Variants in ADGRG6 observed in about 807,000 individuals in gnomAD.
ADGRG6 encodes adhesion G protein-coupled receptor G6.
ADGRG6 carries 84 observed loss-of-function variants against 142.4 expected under a neutral mutation model. The ratio of observed to expected loss-of-function variants is 0.59; its 90% CI spans 0.49 to 0.71. ADGRG6 has a LOEUF of 0.71. Among genes scored for constraint, ADGRG6 ranks in the 30% least tolerant of loss-of-function variants. The pLI is 0.00. For synonymous variants in ADGRG6, 521 were observed against 520.5 expected (o/e 1.00, Z -0.01); for missense variants, 1,367 against 1,466.6 (o/e 0.93, Z 1.11).
intron 9 of ADGRG6, among the ~76,000 whole-genome samples, chr6:142,395,994 CT>C (rs34562428): frequency 6.6e-6 from 1 of 151,976 alleles, no homozygotes; most frequent in Non-Finnish European, 1.5e-5. Context: ...TAGAATGTAA[CT>C]TTGTAGAACC....
chr6:142,413,764 AG>A (rs1776211608), intron 18 of ADGRG6, among the ~76,000 whole-genome samples: 1 of 152,126 alleles, frequency 6.6e-6, no homozygotes, highest in Admixed American at 6.6e-5. Context: ...ATAAGAAGAT[AG>A]GGGGAGCCCC....
intron 10 of ADGRG6, among the ~76,000 whole-genome samples, chr6:142,399,646 T>C (rs1016842091): frequency 3.3e-5 from 5 of 152,180 alleles, no homozygotes; most frequent in Admixed American, 6.5e-5. Flanking sequence ...TTTCTGCAAA[T>C]GAATCTGTGG....
At chr6:142,307,138 A>G (rs1777539941) in intron 1 of ADGRG6, among the ~76,000 whole-genome samples, 1 of 152,186 alleles carries the variant, frequency 6.6e-6, no homozygotes, top group Admixed American at 6.5e-5. Flanking sequence ...CAAACTAATG[A>G]GCAGGAATCT....
At chr6:142,368,405 C>A (rs956458382) in intron 3 of ADGRG6, among the ~76,000 whole-genome samples, 1 of 152,100 alleles carries the variant, frequency 6.6e-6, no homozygotes, top group African/African-American at 2.4e-5. Context: ...AAATGGCTAA[C>A]TGAATGAAAT....
At chr6:142,344,875 A>C (rs1221948722) in intron 2 of ADGRG6, among the ~76,000 whole-genome samples, 1 of 152,012 alleles carries the variant, frequency 6.6e-6, no homozygotes, top group Non-Finnish European at 1.5e-5. Context: ...AGATGACTAC[A>C]GGGATATTTG....
intron 7 of ADGRG6, among the ~76,000 whole-genome samples, chr6:142,391,385 G>A (rs930536360): frequency 1.3e-5 from 2 of 149,308 alleles, no homozygotes; most frequent in African/African-American, 4.9e-5. Context: ...TTTGATAAAC[G>A]TGTCTTTGGT....
At chr6:142,316,686 G>A (rs1778092899) in intron 2 of ADGRG6, among the ~76,000 whole-genome samples, 1 of 151,998 alleles carries the variant, frequency 6.6e-6, no homozygotes, top group Non-Finnish European at 1.5e-5. Context: ...CTGTATCACT[G>A]GCCTTATTGA....
intron 19 of ADGRG6, 79 bp downstream of exon 19, chr6:142,415,175 A>T: frequency 1.9e-6 from 2 of 1,067,878 alleles, no homozygotes; most frequent in South Asian, 3.2e-5. Flanking sequence ...GCTTTGAAAA[A>T]CATTTATACA....
chr6:142,402,479 A>G, intron 12 of ADGRG6, 141 bp from the exon 13 acceptor site: 2 of 574,574 alleles, frequency 3.5e-6, no homozygotes, highest in East Asian at 2.9e-5. Context: ...CCTTGTGAAT[A>G]TGGGGATGAG....
Position 142,442,750 on chromosome 6 carries a change from G to A in ADGRG6, c.3575-587G>A, listed in dbSNP as rs537270751. Among the ~76,000 whole-genome samples the A allele has an allele frequency of 3.0e-3, 454 of 152,050 alleles. 1 individual carries two copies. Among genetic ancestry groups the A allele is most frequent in the Non-Finnish European group, 4.9e-3 (330 of 67,966 alleles). ...AAAACCTTGGGAAAATACGTTCAAAGTAGCATTTCATATTTATTTTCATTT... is the reference window on the plus strand; with the variant it reads ...AAAACCTTGGGAAAATACGTTCAAAATAGCATTTCATATTTATTTTCATTT... On this transcript the variant is annotated intron_variant, in intron 24 of 24. Coordinates refer to ENST00000367609, the MANE Select transcript of ADGRG6 (RefSeq NM_198569.3).
intron 21 of ADGRG6, among the ~76,000 whole-genome samples, chr6:142,418,939 T>C (rs1231273130): frequency 6.6e-6 from 1 of 152,204 alleles, no homozygotes; most frequent in Non-Finnish European, 1.5e-5. Flanking sequence ...TTAAAATTTC[T>C]TTAATCTACT....
At chr6:142,331,741 G>A (rs1430085335) in intron 2 of ADGRG6, among the ~76,000 whole-genome samples, 1 of 151,636 alleles carries the variant, frequency 6.6e-6, no homozygotes, top group African/African-American at 2.4e-5. Context: ...CTCTTTTTTT[G>A]TTTAGTGTAT....
intron 22 of ADGRG6, among the ~76,000 whole-genome samples, chr6:142,428,267 GTATTTT>G (rs2115146066): frequency 6.6e-6 from 1 of 151,598 alleles, no homozygotes; most frequent in Admixed American, 6.6e-5. Context: ...TTTCTAGCAT[GTATTTT>G]TATTTTTATG....
chr6:142,404,346 A>T (rs1194986817), intron 14 of ADGRG6: 1 of 212,136 alleles, frequency 4.7e-6, no homozygotes, highest in Non-Finnish European at 9.2e-6. Flanking sequence ...GAACATTAGA[A>T]TCTTCTGGAG....
At chr6:142,360,921 G>T (rs1242183834) in intron 2 of ADGRG6, among the ~76,000 whole-genome samples, 1 of 152,168 alleles carries the variant, frequency 6.6e-6, no homozygotes, top group East Asian at 1.9e-4. Flanking sequence ...GAAAGTGTTG[G>T]GATTACAGGC....
chr6:142,374,654 G>A (rs1242765779), intron 4 of ADGRG6, among the ~76,000 whole-genome samples: 4 of 152,230 alleles, frequency 2.6e-5, no homozygotes, highest in South Asian at 2.1e-4. Flanking sequence ...CCCTTTATAC[G>A]GGCCAGGAAA....
chr6:142,337,337 G>A (rs1779365184), intron 2 of ADGRG6, among the ~76,000 whole-genome samples: 3 of 152,122 alleles, frequency 2.0e-5, no homozygotes, highest in Admixed American at 2.0e-4. Context: ...ATTTTGTACT[G>A]TCTTTTGGAA....
rs867491375 is a variant in ADGRG6, at chr6:142,415,776, T to C, written c.2670-20T>C. 2 of 1,578,256 alleles carry C rather than the reference T, an allele frequency of 1.3e-6. No individual in the cohort carries two copies. Among genetic ancestry groups the C allele is most frequent in the Middle Eastern group, 3.3e-4 (2 of 6,000 alleles). On this transcript the variant is annotated intron_variant, in intron 19 of 24. Transcript: ENST00000367609. ...TATACAGTATTAGTTCTCTCATAGA[T>C]TCCTTTTTTCATTTTTTAGGAAATT...
chr6:142,406,112 ATTAC>A (rs1038658797), intron 15 of ADGRG6, among the ~76,000 whole-genome samples: 9 of 152,074 alleles, frequency 5.9e-5, no homozygotes, highest in African/African-American at 1.9e-4. Context: ...ACCGTTTATT[ATTAC>A]TTTTATTAAA....
Sources: gnomAD v4.1 joint callset for allele counts (sites outside exome capture counted in the v4.1 genomes callset) on GRCh38, gnomAD v4.1.1 for gene constraint, MANE v1.5 for transcripts, NCBI Gene and HGNC (gene_info 2026-07-23, HGNC 2026-07-21) for gene names.